Variants in ADAM22 observed in about 807,000 individuals in gnomAD.
The protein encoded by ADAM22 is disintegrin and metalloproteinase domain-containing protein 22.
A neutral mutation model predicts 144.6 loss-of-function variants in ADAM22; 65 were observed. That is an observed-to-expected ratio of 0.45 (90% CI 0.37 to 0.55). ADAM22 has a LOEUF of 0.55. ADAM22 is among the 20% of genes least tolerant of loss of function. ADAM22 has a pLI of 0.00. For missense variants in ADAM22, 974 were observed against 1,184.9 expected (o/e 0.82, Z 2.61); for synonymous variants, 391 against 412.6 (o/e 0.95, Z 0.63).
intron 5 of ADAM22, among the ~76,000 whole-genome samples, chr7:88,109,530 C>A (rs986693814): frequency 6.6e-6 from 1 of 151,952 alleles, no homozygotes; most frequent in African/African-American, 2.4e-5. Flanking sequence ...TAAAATAATT[C>A]CTTTTTGTTA....
At chr7:88,067,189 C>T (rs983422132) in intron 3 of ADAM22, among the ~76,000 whole-genome samples, 1 of 151,266 alleles carries the variant, frequency 6.6e-6, no homozygotes, top group African/African-American at 2.4e-5. Context: ...CAATAAGATT[C>T]ACCAGGGACT....
intron 3 of ADAM22, among the ~76,000 whole-genome samples, chr7:88,068,102 G>A (rs1811750882): frequency 6.6e-6 from 1 of 152,096 alleles, no homozygotes. Flanking sequence ...TTAATTCTCA[G>A]TGATATTTAT....
At chr7:87,977,414 C>T (rs147362565) in intron 2 of ADAM22, among the ~76,000 whole-genome samples, 1 of 152,280 alleles carries the variant, frequency 6.6e-6, no homozygotes, top group East Asian at 1.9e-4. Context: ...TGCAGTTGCT[C>T]ATGTGGCTTT....
At chr7:88,054,506 T>A (rs942560522) in intron 3 of ADAM22, among the ~76,000 whole-genome samples, 5 of 151,854 alleles carry the variant, frequency 3.3e-5, no homozygotes, top group African/African-American at 1.2e-4. Flanking sequence ...CTATCATACA[T>A]TCATCTTAGA....
chr7:88,003,358 C>T (rs1257998753), intron 3 of ADAM22, among the ~76,000 whole-genome samples: 1 of 152,150 alleles, frequency 6.6e-6, no homozygotes, highest in Non-Finnish European at 1.5e-5. Flanking sequence ...ATAACTTGCT[C>T]AGGGTTCTAC....
chr7:88,133,061 A>G, intron 12 of ADAM22, 110 bp downstream of exon 12: 14 of 967,318 alleles, frequency 1.4e-5, no homozygotes, highest in Non-Finnish European at 2.1e-5. Context: ...TTAGATTGCT[A>G]TATTACAAAT....
intron 2 of ADAM22, among the ~76,000 whole-genome samples, chr7:87,955,145 A>G (rs1455982158): frequency 2.0e-5 from 3 of 152,234 alleles, no homozygotes; most frequent in Non-Finnish European, 4.4e-5. Flanking sequence ...CGTCAAAGTC[A>G]TTCTCCATCC....
At position 88,007,637 on chromosome 7, in the gene ADAM22, C is replaced by A. The variant is rs1256593768; in HGVS notation, c.323+29225C>A. 2.0e-4 allele frequency among the ~76,000 whole-genome samples: 31 copies of A among 152,054 alleles called. 1 individual carries two copies. The highest frequency in any genetic ancestry group is 6.2e-4 in the South Asian group (3 of 4,802). ...GATCTTTGACAAACCTGAGAAAAAC[C>A]AGCAATGGGGAAAGGATTCCCTATT... On this transcript the variant is annotated intron_variant, in intron 3 of 31. Transcript: ENST00000413139.
At chr7:88,113,703 AATATATATATATATATATATATAT>A (rs58099116) in intron 5 of ADAM22, among the ~76,000 whole-genome samples, 20 of 48,108 alleles carry the variant, frequency 4.2e-4, no homozygotes, top group African/African-American at 1.4e-3. Flanking sequence ...TAAATAAATA[AATATATATATATATATATATATAT>A]ATATATATAT....
intron 20 of ADAM22, among the ~76,000 whole-genome samples, chr7:88,151,857 G>A (rs1838491847): frequency 6.6e-6 from 1 of 152,130 alleles, no homozygotes; most frequent in South Asian, 2.1e-4. Flanking sequence ...AGCCTTTAAA[G>A]TCTGTCAGAT....
In ADAM22 at chr7:88,101,971, CTT is replaced by C. The variant is rs1328868020; in HGVS notation, c.391-6203_391-6202del. Among the ~76,000 whole-genome samples, 8 of 152,308 alleles carry C rather than the reference CTT, an allele frequency of 5.3e-5. No homozygotes were observed. In the East Asian group the frequency reaches 1.2e-3, roughly 22 times the overall value. On this transcript the variant is annotated intron_variant, in intron 4 of 31. Transcript: ENST00000413139. ...TGATGCTTTTGGTCTGCAAACCACT[CTT>C]TGAGAACCACTGGTGTAAATAACCT...
chr7:88,091,868 A>T (rs1819953356), intron 4 of ADAM22, among the ~76,000 whole-genome samples: 1 of 152,166 alleles, frequency 6.6e-6, no homozygotes, highest in Non-Finnish European at 1.5e-5. Flanking sequence ...CCAGAATTGA[A>T]GATGTGTTAG....
At chr7:88,196,131 G>A (rs1340876995) in intron 31 of ADAM22, among the ~76,000 whole-genome samples, 1 of 152,208 alleles carries the variant, frequency 6.6e-6, no homozygotes, top group African/African-American at 2.4e-5. Context: ...CTGGGGAAAG[G>A]AAGGGCATGT....
intron 30 of ADAM22, among the ~76,000 whole-genome samples, chr7:88,186,987 T>C (rs1848471637): frequency 6.6e-6 from 1 of 152,220 alleles, no homozygotes; most frequent in South Asian, 2.1e-4. Context: ...TGCTATGTAG[T>C]GTTCTATGGG....
At chr7:88,100,622 T>C (rs989639622) in intron 4 of ADAM22, among the ~76,000 whole-genome samples, 1 of 152,222 alleles carries the variant, frequency 6.6e-6, no homozygotes, top group African/African-American at 2.4e-5. Context: ...TTAGCTTTTT[T>C]AAGAATTTCC....
intron 3 of ADAM22, among the ~76,000 whole-genome samples, chr7:88,039,769 A>G (rs1802641429): frequency 6.6e-6 from 1 of 151,494 alleles, no homozygotes; most frequent in African/African-American, 2.4e-5. Flanking sequence ...TACTGAATAT[A>G]CTCTCGCCAC....
At chr7:88,097,108 A>G (rs1821533135) in intron 4 of ADAM22, among the ~76,000 whole-genome samples, 2 of 150,162 alleles carry the variant, frequency 1.3e-5, no homozygotes, top group East Asian at 2.0e-4. Flanking sequence ...AGAGCCTTAC[A>G]TGCTCTCTTG....
chr7:88,186,978 G>A (rs1848468738), intron 30 of ADAM22, among the ~76,000 whole-genome samples: 1 of 152,110 alleles, frequency 6.6e-6, no homozygotes, highest in Non-Finnish European at 1.5e-5. Context: ...TTCATTTTAT[G>A]CTATGTAGTG....
Position 88,037,128 on chromosome 7 carries a change from C to T in ADAM22, c.324-38498C>T, listed in dbSNP as rs114687408. Among the ~76,000 whole-genome samples the T allele has an allele frequency of 6.5e-3, 985 of 152,092 alleles. 14 individuals carry two copies. Among genetic ancestry groups the T allele is most frequent in the African/African-American group, 0.017 (725 of 41,522 alleles). On this transcript the variant is annotated intron_variant, in intron 3 of 31. Coordinates refer to ENST00000413139, the MANE Select transcript of ADAM22 (RefSeq NM_001324418.2). Reference sequence around the variant, plus strand: ...AATGATGCTATTATGAACATATTTGCGCAGTAGAGCCTCTCTTCTGGGATT... The same window carrying T: ...AATGATGCTATTATGAACATATTTGTGCAGTAGAGCCTCTCTTCTGGGATT...
Sources: gnomAD v4.1 joint callset for allele counts (sites outside exome capture counted in the v4.1 genomes callset) on GRCh38, gnomAD v4.1.1 for gene constraint, MANE v1.5 for transcripts, NCBI Gene and HGNC (gene_info 2026-07-23, HGNC 2026-07-21) for gene names.